The following INPP5A variants were observed in gnomAD, a reference collection of about 807,000 sequenced individuals.
INPP5A encodes inositol polyphosphate-5-phosphatase A, also known as 43 kDa inositol polyphosphate 5-phophatase.
A neutral mutation model predicts 65.2 loss-of-function variants in INPP5A; 14 were observed. The observed-to-expected ratio is 0.21, with a 90% CI of 0.14 to 0.34. The LOEUF (loss-of-function observed/expected upper bound fraction) is 0.34, where lower values mean the gene tolerates loss of function less well. INPP5A is among the 10% of genes least tolerant of loss of function. INPP5A has a pLI of 1.00. For synonymous variants in INPP5A, 207 were observed against 208.3 expected, an observed-to-expected ratio of 0.99 and a Z score of 0.05; for missense variants, 431 against 545.6, an observed-to-expected ratio of 0.79 and a Z score of 2.09.
intron 8 of INPP5A, among the ~76,000 whole-genome samples, chr10:132,719,685 TGCAG>T (rs1845824888): frequency 6.7e-6 from 1 of 149,724 alleles, no homozygotes; most frequent in Non-Finnish European, 1.5e-5. Context: ...ACGGCTGTCT[TGCAG>T]GTTCTGTGGT....
In INPP5A at chr10:132,707,652, C is replaced by T. The variant is rs34288714; in HGVS notation, c.475-661C>T. On this transcript the variant is annotated intron_variant, in intron 6 of 15. Transcript: ENST00000368594. The surrounding 1 kb of genome is among the most constrained non-coding windows in gnomAD (Gnocchi z 5.5). ...CATGCCATCTCGAGGGGAGCCCTGC[C>T]ACCTCTTAAAGAACACCCCTCTTTG... Among the ~76,000 whole-genome samples, 1,480 of 152,304 alleles carry T rather than the reference C, an allele frequency of 9.7e-3. 10 individuals carry two copies. Among genetic ancestry groups the T allele is most frequent in the Non-Finnish European group, 0.015 (1,035 of 68,020 alleles).
chr10:132,696,154 A>G (rs1456749529), intron 5 of INPP5A, among the ~76,000 whole-genome samples: 3 of 152,198 alleles, frequency 2.0e-5, no homozygotes, highest in Admixed American at 6.6e-5. Context: ...AAACTAGGAG[A>G]AAGACACTTA....
chr10:132,565,337 A>G (rs911898675), intron 1 of INPP5A, among the ~76,000 whole-genome samples: 9 of 152,334 alleles, frequency 5.9e-5, no homozygotes, highest in South Asian at 2.1e-4. Flanking sequence ...AAGCACTTTC[A>G]TCCAGTCACT....
intron 9 of INPP5A, among the ~76,000 whole-genome samples, chr10:132,742,837 C>G (rs1846298715): frequency 6.6e-6 from 1 of 152,214 alleles, no homozygotes; most frequent in Admixed American, 6.5e-5. Flanking sequence ...TGACAGGCAT[C>G]CTGCGTCCTT....
chr10:132,568,486 A>G (rs1388608424), intron 1 of INPP5A, among the ~76,000 whole-genome samples: 2 of 151,848 alleles, frequency 1.3e-5, no homozygotes, highest in African/African-American at 4.8e-5. Flanking sequence ...AGCTACTGGG[A>G]TTACTGGGAG....
At chr10:132,597,146 CAT>C (rs1564929262) in intron 1 of INPP5A, among the ~76,000 whole-genome samples, 6 of 152,124 alleles carry the variant, frequency 3.9e-5, no homozygotes, top group African/African-American at 4.8e-5. Context: ...TGTGTGCATG[CAT>C]GTGTGTGAGT....
chr10:132,570,887 G>A lies in INPP5A; in HGVS notation c.75+32716G>A, dbSNP rs538498129. Among the ~76,000 whole-genome samples, 457 of 152,344 alleles carry A rather than the reference G, an allele frequency of 3.0e-3. 2 individuals are homozygous for A. Among genetic ancestry groups the A allele is most frequent in the African/African-American group, 0.011 (446 of 41,582 alleles). On this transcript the variant is annotated intron_variant, in intron 1 of 15. Coordinates refer to ENST00000368594, the MANE Select transcript of INPP5A (RefSeq NM_005539.5). The stretch of plus-strand genomic sequence containing the variant: ...TGGATAGAGGGCCGTCCTTCCGGCC[G>A]CTGCTGCTCTCAGGTCGCCTCTCAT...
chr10:132,664,113 TCA>T (rs1187900180), intron 4 of INPP5A, among the ~76,000 whole-genome samples: 1 of 152,242 alleles, frequency 6.6e-6, no homozygotes, highest in Non-Finnish European at 1.5e-5. Context: ...CATGGTTGAT[TCA>T]CAGTTTAGCT....
Position 132,538,373 on chromosome 10 carries a change from C to T in INPP5A, c.75+202C>T, listed in dbSNP as rs879848296. On this transcript the variant is annotated intron_variant, in intron 1 of 15. Coordinates refer to ENST00000368594, the MANE Select transcript of INPP5A (RefSeq NM_005539.5). This position sits in a 1 kb window ranked among gnomAD's most constrained non-coding sequence, Gnocchi z 4.1. ...CAGACCCCTGTCTTGATCCCCAAGCCCGAGACCTGAAGACCTGGGCCCTGA... is the reference window on the plus strand; with the variant it reads ...CAGACCCCTGTCTTGATCCCCAAGCTCGAGACCTGAAGACCTGGGCCCTGA... 1.3e-5 allele frequency among the ~76,000 whole-genome samples: 2 copies of T among 152,118 alleles called. No homozygotes were observed. The highest frequency in any genetic ancestry group is 2.9e-5 in the Non-Finnish European group (2 of 68,012).
chr10:132,721,163 C>CT (rs1845869506), intron 8 of INPP5A, among the ~76,000 whole-genome samples: 1 of 149,162 alleles, frequency 6.7e-6, no homozygotes, highest in Admixed American at 6.7e-5. Flanking sequence ...GCGCCATAGA[C>CT]GGCTGTCTTC....
Position 132,575,776 on chromosome 10 carries a change from G to A in INPP5A, c.76-32139G>A, listed in dbSNP as rs956804563. Among the ~76,000 whole-genome samples, 2 of 152,110 alleles carry A rather than the reference G, an allele frequency of 1.3e-5. No individual in the cohort carries two copies. Among genetic ancestry groups the A allele is most frequent in the African/African-American group, 4.8e-5 (2 of 41,426 alleles). ...CCGTGGGCTCCCGCGTGGTGTGTGCGGCCCAGGGCCCTGGCAGTGGGGAGT... is the reference window on the plus strand; with the variant it reads ...CCGTGGGCTCCCGCGTGGTGTGTGCAGCCCAGGGCCCTGGCAGTGGGGAGT... On this transcript the variant is annotated intron_variant, in intron 1 of 15. Coordinates refer to ENST00000368594, the MANE Select transcript of INPP5A (RefSeq NM_005539.5). The surrounding 1 kb of genome is among the most constrained non-coding windows in gnomAD (Gnocchi z 5.4).
At chr10:132,730,298 G>A (rs141750814) in intron 9 of INPP5A, among the ~76,000 whole-genome samples, 15 of 152,300 alleles carry the variant, frequency 9.8e-5, no homozygotes, top group Non-Finnish European at 1.5e-4. Context: ...ATCTGCCTCC[G>A]CCCCCATCAC....
chr10:132,565,012 C>T (rs1312232106), intron 1 of INPP5A, among the ~76,000 whole-genome samples: 4 of 152,300 alleles, frequency 2.6e-5, no homozygotes, highest in South Asian at 2.1e-4. Context: ...CGCTGCTTTA[C>T]GACGTTTGTG....
At chr10:132,775,419 G>A (rs1214978536) in intron 12 of INPP5A, among the ~76,000 whole-genome samples, 3 of 152,004 alleles carry the variant, frequency 2.0e-5, no homozygotes, top group Non-Finnish European at 4.4e-5. Flanking sequence ...TCCAGGCCCC[G>A]CGTCCTGCTG....
chr10:132,693,838 C>A (rs977413285), intron 5 of INPP5A, among the ~76,000 whole-genome samples: 6 of 152,112 alleles, frequency 3.9e-5, no homozygotes, highest in Non-Finnish European at 8.8e-5. Context: ...ACATAACAAT[C>A]CTTAGTATCT....
chr10:132,657,240 C>T (rs2072668741), intron 4 of INPP5A, among the ~76,000 whole-genome samples: 1 of 152,240 alleles, frequency 6.6e-6, no homozygotes, highest in Non-Finnish European at 1.5e-5. Context: ...CAACCGGGGG[C>T]TTACCCCTCT....
rs2072763764 is a variant in INPP5A at position 132,663,574 on chromosome 10, A to T, written c.306+13069A>T. Among the ~76,000 whole-genome samples the T allele has an allele frequency of 6.6e-6, 1 of 152,220 alleles. No individual in the cohort carries two copies. On this transcript the variant is annotated intron_variant, in intron 4 of 15. Transcript: ENST00000368594. The surrounding 1 kb of genome is among the most constrained non-coding windows in gnomAD (Gnocchi z 4.5). ...CTTTGTTGATTTTGAATGTAACATT[A>T]TTCCCACTCAATGAGTGATTTTGGT...
At chr10:132,755,375 A>T (rs1846579790) in intron 11 of INPP5A, among the ~76,000 whole-genome samples, 2 of 134,294 alleles carry the variant, frequency 1.5e-5, no homozygotes, top group South Asian at 2.5e-4. Context: ...TATGAGTGGG[A>T]GTGTGCGTGA....
chr10:132,589,213 T>G (rs1452415932), intron 1 of INPP5A, among the ~76,000 whole-genome samples: 1 of 152,228 alleles, frequency 6.6e-6, no homozygotes, highest in Non-Finnish European at 1.5e-5. Context: ...TGACCAGGCG[T>G]TCACTCTGCC....
Sources: allele counts gnomAD v4.1 joint callset (sites outside exome capture counted in the v4.1 genomes callset), GRCh38; gene constraint gnomAD v4.1.1; non-coding constraint Gnocchi (gnomAD v3.1); transcripts MANE v1.5; gene names NCBI Gene and HGNC (gene_info 2026-07-23, HGNC 2026-07-21).